Variants in PHF3 observed in about 807,000 individuals in gnomAD.
PHF3 encodes the protein PHD finger protein 3.
A neutral mutation model predicts 178.4 loss-of-function variants in PHF3; 41 were observed. The ratio of observed to expected loss-of-function variants is 0.23; its 90% CI spans 0.18 to 0.30. The LOEUF is 0.30. PHF3 is among the 10% of genes least tolerant of loss of function. The probability of loss-of-function intolerance (pLI) is 1.00; values close to 1 mark genes in which losing one functional copy is unlikely to be tolerated. For synonymous variants in PHF3, 842 were observed against 800.5 expected (o/e 1.05, Z -0.88); for missense variants, 2,346 against 2,398.1 (o/e 0.98, Z 0.45).
chr6:63,689,565 A>G (rs1409978293), intron 4 of PHF3, among the ~76,000 whole-genome samples: 1 of 152,172 alleles, frequency 6.6e-6, no homozygotes, highest in East Asian at 1.9e-4. Flanking sequence ...CTCTCTCTCA[A>G]AAACTCTTAA....
In PHF3 at chr6:63,717,446, A is replaced by G. The variant is rs1214949338; in HGVS notation, c.*3738A>G. 6.6e-6 allele frequency among the ~76,000 whole-genome samples: 1 copy of G among 152,092 alleles called. No individual in the cohort carries two copies. Among genetic ancestry groups the G allele is most frequent in the Non-Finnish European group, 1.5e-5 (1 of 67,970 alleles). ...CAATCAGGTTTATTTCTGTCTCTTA[A>G]AGCAAATTGCAAATAAAATTGGTTA... On this transcript the variant is annotated 3_prime_UTR_variant, in exon 16 of 16. Transcript: ENST00000262043.
Position 63,653,329 on chromosome 6 carries a change from G to A in PHF3, c.244+6534G>A, listed in dbSNP as rs182615634. On this transcript the variant is annotated intron_variant, in intron 2 of 15. Transcript: ENST00000262043. ...AATATTCTTCTAACCACGAACGTTG[G>A]ATGTCTTTCCATTTTTTGATGTGTG... Among the ~76,000 whole-genome samples, 17 of 151,894 alleles carry A rather than the reference G, an allele frequency of 1.1e-4. 1 individual carries two copies. In the East Asian group the frequency reaches 3.1e-3, roughly 28 times the overall value.
chr6:63,711,107 A>G (rs938041674), intron 14 of PHF3, 60 bp from the exon 15 acceptor site: 5 of 1,245,454 alleles, frequency 4.0e-6, no homozygotes, highest in Non-Finnish European at 3.3e-6. Context: ...AAATAGTTTT[A>G]AAACCAAGCT....
In PHF3 at chr6:63,694,494, A is replaced by G. The variant is rs1208292767; in HGVS notation, c.2497-87A>G. 7.7e-6 allele frequency: 7 copies of G among 912,288 alleles called. No individual in the cohort carries two copies. The Admixed American group carries it at 2.0e-4, about 26-fold the overall frequency. The allele number at this position is 912,288 out of a possible 1,614,324, so 56.5% of individuals were successfully genotyped here. A position where few individuals can be genotyped will look rare whatever the true frequency, so the allele number is the denominator to read the frequency against. On this transcript the variant is annotated intron_variant, in intron 5 of 15. Coordinates refer to ENST00000262043, the MANE Select transcript of PHF3 (RefSeq NM_001370348.2). ...ATGAAAGAGTGAATCTCATTTTACT[A>G]ATAATCAAGAGTTATTTTTGTACGT...
At chr6:63,670,511 C>T (rs764962227) in intron 2 of PHF3, among the ~76,000 whole-genome samples, 3 of 152,194 alleles carry the variant, frequency 2.0e-5, no homozygotes, top group Non-Finnish European at 2.9e-5. Flanking sequence ...TGGTCTCGAT[C>T]TCCTGACCTT....
intron 5 of PHF3, 95 bp from the exon 6 acceptor site, chr6:63,694,486 A>AT: frequency 1.2e-6 from 1 of 863,474 alleles, no homozygotes; most frequent in Non-Finnish European, 1.7e-6. Context: ...AGTGAATCTC[A>AT]TTTTACTAAT....
Position 63,725,844 on chromosome 6 carries a change from T to C in PHF3, c.*12136T>C, listed in dbSNP as rs868795936. On this transcript the variant is annotated 3_prime_UTR_variant, in exon 16 of 16. Coordinates refer to ENST00000262043, the MANE Select transcript of PHF3 (RefSeq NM_001370348.2). ...TTCTCAATATCAAAATTGTTTCTCA[T>C]TTTCTGAGAGACAAGATCAAAGAAA... Among the ~76,000 whole-genome samples the C allele has an allele frequency of 6.6e-6, 1 of 152,154 alleles. No individual in the cohort carries two copies. Among genetic ancestry groups the C allele is most frequent in the Non-Finnish European group, 1.5e-5 (1 of 67,984 alleles).
chr6:63,688,435 A>G (rs1236862355), intron 4 of PHF3, among the ~76,000 whole-genome samples: 6 of 145,988 alleles, frequency 4.1e-5, no homozygotes, highest in Admixed American at 6.9e-5. Flanking sequence ...TCCTGAGTTC[A>G]AGTGATTCTC....
At position 63,712,943 on chromosome 6, in the gene PHF3, A is replaced by G. The variant is rs565668793; in HGVS notation, c.5355A>G (p.Arg1785=). The change falls in exon 16 of 16, where the codon AGA becomes AGG. Residue 1785 remains arginine (R), a synonymous_variant. Coordinates refer to ENST00000262043, the MANE Select transcript of PHF3 (RefSeq NM_001370348.2). ...FPSKSITFTS[R]STSPRTSTNF... The stretch of plus-strand genomic sequence containing the variant: ...CTAAAAGCATCACCTTTACTTCCAG[A>G]AGCACCAGCCCCAGAACAAGTACAA... The G allele has an allele frequency of 6.2e-7, 1 of 1,614,012 alleles. No homozygotes were observed. The highest frequency in any genetic ancestry group is 1.3e-5 in the African/African-American group (1 of 75,008).
intron 2 of PHF3, among the ~76,000 whole-genome samples, chr6:63,670,820 T>C (rs980628543): frequency 6.6e-6 from 1 of 152,324 alleles, no homozygotes; most frequent in South Asian, 2.1e-4. Flanking sequence ...TTGTGGAGTT[T>C]TAATTCTATT....
rs757885633 is a variant in PHF3, at chr6:63,684,307, G to A, written c.585G>A (p.Lys195=). 2.7e-5 allele frequency: 44 copies of A among 1,613,880 alleles called. No individual in the cohort carries two copies. The highest frequency in any genetic ancestry group is 3.3e-4 in the Middle Eastern group (2 of 6,080). ...TGTCACTGAAACCTGAGTACCATAAGGAGAATAGAAGGTGCAGCCGAAATA... is the reference window on the plus strand; with the variant it reads ...TGTCACTGAAACCTGAGTACCATAAAGAGAATAGAAGGTGCAGCCGAAATA... ...VCMSLKPEYH[K]ENRRCSRNSG... is the part of the protein sequence containing the mutation. Residue 195 remains lysine, a synonymous_variant, in exon 4 of 16, where the codon AAG becomes AAA. Transcript: ENST00000262043.
Position 63,712,201 on chromosome 6 carries a change from C to T in PHF3, c.4613C>T (p.Ala1538Val). 1 of 1,613,898 alleles carries T rather than the reference C, an allele frequency of 6.2e-7. No individual in the cohort carries two copies. The highest frequency in any genetic ancestry group is 8.5e-7 in the Non-Finnish European group (1 of 1,179,858). Residue 1538 changes from alanine (A) to valine (V), a missense_variant, in exon 16 of 16, where the codon GCA becomes GTA. Ala to Val is a moderately conservative substitution (Grantham distance 64). Transcript: ENST00000262043. The stretch of plus-strand genomic sequence containing the variant: ...ATTTCAGAATCTACAGATAAGTCAG[C>T]AGAAATAGAAACATCAGTAGTAGGG... ...DNISESTDKSAEIETSVVGSS... is the reference protein window; with the variant it reads ...DNISESTDKSVEIETSVVGSS...
chr6:63,678,754 T>C (rs946030895), intron 2 of PHF3: 40 of 433,872 alleles, frequency 9.2e-5, no homozygotes, highest in Admixed American at 8.8e-4. Context: ...CTGTTTGTTG[T>C]CAAATTGCTC....
intron 2 of PHF3, among the ~76,000 whole-genome samples, chr6:63,667,079 A>C (rs887873023): frequency 2.6e-5 from 4 of 152,086 alleles, no homozygotes; most frequent in Non-Finnish European, 5.9e-5. Flanking sequence ...CCCTGGGCTC[A>C]AGCAATCCTC....
rs376202483 is a variant in PHF3, at chr6:63,703,604, T to C, written c.3300T>C (p.Ser1100=). ...AAAAACAAAAAGAGGAGGTTGACTC[T>C]ATGTCTAAAGATACCACTAGTCAAC... ...GSEKQKEEVD[S]MSKDTTSQHR... Residue 1100 remains serine (S), a synonymous_variant, in exon 11 of 16, where the codon TCT becomes TCC. Coordinates refer to ENST00000262043, the MANE Select transcript of PHF3 (RefSeq NM_001370348.2). 4 of 1,613,102 alleles carry C rather than the reference T, an allele frequency of 2.5e-6. No individual in the cohort carries two copies. The highest frequency in any genetic ancestry group is 4.5e-5 in the East Asian group (2 of 44,800).
chr6:63,711,707 A>G lies in PHF3; in HGVS notation c.4119A>G (p.Pro1373=). 1 of 1,614,048 alleles carries G rather than the reference A, an allele frequency of 6.2e-7. No individual in the cohort carries two copies. The highest frequency in any genetic ancestry group is 8.5e-7 in the Non-Finnish European group (1 of 1,179,914). ...CTGAGACTCCTGAAAGTGCACCACC[A>G]ATAGCATTGCCACCTGATAAAAAAA... is the stretch of plus-strand genomic sequence containing the variant. The part of the protein sequence containing the change: ...HIAETPESAP[P]IALPPDKKSK... Residue 1373 remains proline, a synonymous_variant, in exon 16 of 16, where the codon CCA becomes CCG. Coordinates refer to ENST00000262043, the MANE Select transcript of PHF3 (RefSeq NM_001370348.2).
intron 9 of PHF3, among the ~76,000 whole-genome samples, chr6:63,701,645 G>A (rs902033192): frequency 3.9e-5 from 6 of 152,138 alleles, no homozygotes; most frequent in African/African-American, 1.4e-4. Flanking sequence ...GCCAGATCTA[G>A]TTTGAAGCTC....
At chr6:63,637,393 A>G (rs552342835) in intron 1 of PHF3, among the ~76,000 whole-genome samples, 93 of 152,352 alleles carry the variant, frequency 6.1e-4, no homozygotes, top group Non-Finnish European at 1.0e-3. Flanking sequence ...ATATTTGTAG[A>G]AAAAGATGTA....
At chr6:63,696,493 A>T (rs1767235352) in intron 6 of PHF3, among the ~76,000 whole-genome samples, 1 of 151,858 alleles carries the variant, frequency 6.6e-6, no homozygotes, top group South Asian at 2.1e-4. Context: ...TAATTTTTTG[A>T]TTTTTTGTAG....
Sources: allele counts gnomAD v4.1 joint callset (sites outside exome capture counted in the v4.1 genomes callset), GRCh38; gene constraint gnomAD v4.1.1; transcripts MANE v1.5; gene names NCBI Gene and HGNC (gene_info 2026-07-23, HGNC 2026-07-21).